The following EFHC1 variants were observed in gnomAD, a reference collection of about 807,000 sequenced individuals.
The protein encoded by EFHC1 is EF-hand domain-containing protein 1.
EFHC1 carries 53 observed loss-of-function variants against 69.9 expected under a neutral mutation model. The observed-to-expected ratio is 0.76, with a 90% CI of 0.61 to 0.95. EFHC1 has a LOEUF of 0.95. Among genes scored for constraint, EFHC1 ranks in the 40% least tolerant of loss-of-function variants. EFHC1 has a pLI of 0.00. For missense variants in EFHC1, 739 were observed against 798.7 expected (o/e 0.93, Z 0.90); for synonymous variants, 256 against 278.4 (o/e 0.92, Z 0.80).
At chr6:52,451,748 C>T (rs991349725) in intron 3 of EFHC1, among the ~76,000 whole-genome samples, 5 of 152,204 alleles carry the variant, frequency 3.3e-5, no homozygotes, top group African/African-American at 1.2e-4. Flanking sequence ...TGTTTGCTTT[C>T]TCACTGTCCC....
intron 3 of EFHC1, among the ~76,000 whole-genome samples, chr6:52,440,716 T>A (rs528181139): frequency 6.6e-6 from 1 of 152,262 alleles, no homozygotes; most frequent in African/African-American, 2.4e-5. Flanking sequence ...ACTACACTGC[T>A]TTCTACAATG....
In EFHC1 at chr6:52,493,649, C is replaced by T. The variant is rs1299563931; in HGVS notation, c.*1308C>T. On this transcript the variant is annotated 3_prime_UTR_variant, in exon 11 of 11. Coordinates refer to ENST00000371068, the MANE Select transcript of EFHC1 (RefSeq NM_018100.4). ...CCAGCCTGGGTGACAGAGCAAGACTCCATCTCAAAAAAAAAAAGGTTAGAA... is the reference window on the plus strand; with the variant it reads ...CCAGCCTGGGTGACAGAGCAAGACTTCATCTCAAAAAAAAAAAGGTTAGAA... 4.5e-6 allele frequency: 2 copies of T among 447,906 alleles called. No homozygotes were observed. Among genetic ancestry groups the T allele is most frequent in the South Asian group, 3.1e-5 (2 of 64,054 alleles). 27.7% of individuals were successfully genotyped at this position (447,906 alleles called of 1,614,324 possible).
At position 52,493,028 on chromosome 6, in the gene EFHC1, C is replaced by T. The variant is rs550534338; in HGVS notation, c.*687C>T. The T allele has an allele frequency of 1.8e-5, 8 of 454,032 alleles. No individual in the cohort carries two copies. The highest frequency in any genetic ancestry group is 1.0e-4 in the African/African-American group (5 of 50,102). 28.1% of individuals were successfully genotyped at this position (454,032 alleles called of 1,614,324 possible). ...AGTCCTCCCTAATGTGGGTGGGCCTCCTCCAATCATTTGAAGACATGAGTA... is the reference window on the plus strand; with the variant it reads ...AGTCCTCCCTAATGTGGGTGGGCCTTCTCCAATCATTTGAAGACATGAGTA... On this transcript the variant is annotated 3_prime_UTR_variant, in exon 11 of 11. Coordinates refer to ENST00000371068, the MANE Select transcript of EFHC1 (RefSeq NM_018100.4).
chr6:52,489,732 A>G (rs975882800), intron 9 of EFHC1, among the ~76,000 whole-genome samples: 1 of 152,228 alleles, frequency 6.6e-6, no homozygotes. Flanking sequence ...CTATAGCTAT[A>G]TATTTATATC....
intron 3 of EFHC1, among the ~76,000 whole-genome samples, chr6:52,443,238 G>C (rs184258184): frequency 6.6e-6 from 1 of 152,284 alleles, no homozygotes; most frequent in East Asian, 1.9e-4. Context: ...TCTGTAGGTT[G>C]CCTGTTCACT....
chr6:52,478,822 G>A (rs1256580938), intron 7 of EFHC1, among the ~76,000 whole-genome samples: 1 of 152,186 alleles, frequency 6.6e-6, no homozygotes, highest in African/African-American at 2.4e-5. Context: ...GGCAACAATT[G>A]AGTTGAGTTG....
chr6:52,469,031 G>A (rs1765374941), intron 6 of EFHC1: 1 of 403,224 alleles, frequency 2.5e-6, no homozygotes, highest in Non-Finnish European at 4.6e-6. Flanking sequence ...GACCCTCACT[G>A]GGGTGGGACT....
intron 5 of EFHC1, among the ~76,000 whole-genome samples, chr6:52,459,922 C>T (rs931541210): frequency 2.0e-5 from 3 of 152,208 alleles, no homozygotes; most frequent in Non-Finnish European, 4.4e-5. Context: ...GATCCACCCG[C>T]CTCGGCCTCC....
At chr6:52,445,810 G>A (rs1764771056) in intron 3 of EFHC1, among the ~76,000 whole-genome samples, 1 of 152,098 alleles carries the variant, frequency 6.6e-6, no homozygotes, top group Non-Finnish European at 1.5e-5. Flanking sequence ...CCTTCATTTT[G>A]TCATGTACCC....
At chr6:52,438,774 A>T (rs753632594) in intron 3 of EFHC1, among the ~76,000 whole-genome samples, 183 bp downstream of exon 3, 2 of 152,126 alleles carry the variant, frequency 1.3e-5, no homozygotes, top group Non-Finnish European at 2.9e-5. Flanking sequence ...TAGTAACATA[A>T]TTTTTTCAGA....
At chr6:52,460,745 A>G (rs1338438893) in intron 5 of EFHC1, among the ~76,000 whole-genome samples, 1 of 152,218 alleles carries the variant, frequency 6.6e-6, no homozygotes, top group Non-Finnish European at 1.5e-5. Context: ...TAAGAGTTTA[A>G]TGCCTAGAGA....
chr6:52,494,722 G>T lies in EFHC1; in HGVS notation c.*2381G>T, dbSNP rs535252455. ...TCCCTTCCCACTCTGGTAGTCCCCA[G>T]TGTCTATTGTTCCCATCATTATGTC... On this transcript the variant is annotated 3_prime_UTR_variant, in exon 11 of 11. Transcript: ENST00000371068. 10 of 453,992 alleles carry T rather than the reference G, an allele frequency of 2.2e-5. No homozygotes were observed. The highest frequency in any genetic ancestry group is 2.0e-4 in the African/African-American group (10 of 50,096). The allele number at this position is 453,992 out of a possible 1,614,324, so 28.1% of individuals were successfully genotyped here.
chr6:52,426,019 A>G (rs929745204), intron 2 of EFHC1, among the ~76,000 whole-genome samples: 1 of 151,962 alleles, frequency 6.6e-6, no homozygotes, highest in Non-Finnish European at 1.5e-5. Context: ...CCAGCTCTTT[A>G]TTTCTGATGT....
At chr6:52,484,805 T>G (rs187607325) in intron 9 of EFHC1, among the ~76,000 whole-genome samples, 16 of 152,268 alleles carry the variant, frequency 1.1e-4, no homozygotes, top group Admixed American at 5.9e-4. Flanking sequence ...TGTGATTGTT[T>G]CGTGATAGTA....
At chr6:52,452,918 T>TA in intron 4 of EFHC1, 81 bp downstream of exon 4, 1 of 1,606,466 alleles carries the variant, frequency 6.2e-7, no homozygotes, top group Non-Finnish European at 8.5e-7. Context: ...TGGGTAGCTG[T>TA]ATTGGTAACT....
At chr6:52,490,977 CATT>C (rs2114037987) in intron 10 of EFHC1, 1 of 153,002 alleles carries the variant, frequency 6.5e-6, no homozygotes, top group Admixed American at 6.5e-5. Context: ...GGCTTATGAT[CATT>C]GAGACATTCT....
At chr6:52,471,019 A>G (rs1038946016) in intron 7 of EFHC1, among the ~76,000 whole-genome samples, 2 of 152,234 alleles carry the variant, frequency 1.3e-5, no homozygotes, top group Non-Finnish European at 2.9e-5. Flanking sequence ...GTGTATGTTT[A>G]TGTGTGTTAG....
intron 5 of EFHC1, among the ~76,000 whole-genome samples, chr6:52,457,421 C>G (rs929317158): frequency 6.6e-6 from 1 of 152,110 alleles, no homozygotes; most frequent in African/African-American, 2.4e-5. Context: ...GAATTAGGAA[C>G]AAGTATGGCA....
At position 52,453,108 on chromosome 6, in the gene EFHC1, G is replaced by A. The variant is rs774670975; in HGVS notation, c.723+271G>A. ...ATTTAAATCTCAAAGCAATTCCTGA[G>A]CTACATCTGCTTCCCACCTTACGTT... On this transcript the variant is annotated intron_variant, in intron 4 of 10. Coordinates refer to ENST00000371068, the MANE Select transcript of EFHC1 (RefSeq NM_018100.4). 5 of 1,436,524 alleles carry A rather than the reference G, an allele frequency of 3.5e-6. No individual in the cohort carries two copies. The South Asian group carries it at 4.9e-5, about 14-fold the overall frequency. The allele number at this position is 1,436,524 out of a possible 1,614,324, so 89.0% of individuals were successfully genotyped here. A position where few individuals can be genotyped will look rare whatever the true frequency, so the allele number is the denominator to read the frequency against.
Sources: allele counts gnomAD v4.1 joint callset (sites outside exome capture counted in the v4.1 genomes callset), GRCh38; gene constraint gnomAD v4.1.1; transcripts MANE v1.5; gene names NCBI Gene and HGNC (gene_info 2026-07-23, HGNC 2026-07-21).